Variants in MAGI3 observed in about 807,000 individuals in gnomAD.
MAGI3 encodes the protein membrane associated guanylate kinase, WW and PDZ domain containing 3.
In MAGI3, 43 loss-of-function variants were observed where a neutral mutation model predicts 121.8. The observed-to-expected ratio is 0.35, with a 90% CI of 0.28 to 0.46. MAGI3 has a LOEUF of 0.46. MAGI3 is among the 20% of genes least tolerant of loss of function. The pLI, the probability that MAGI3 is intolerant of heterozygous loss-of-function variation, is 1.00. For synonymous variants in MAGI3, 553 were observed against 639.3 expected, an observed-to-expected ratio of 0.86 and a Z score of 2.04; for missense variants, 1,547 against 1,797.3, an observed-to-expected ratio of 0.86 and a Z score of 2.52.
rs1210636688 is a variant in MAGI3, at chr1:113,416,202, GAC to G, written c.316+24857_316+24858del. ...GACACATATTAATTATGTAATTAATGACACATATTATTATGTGTAATTAATGA... is the reference window on the plus strand; with the variant it reads ...GACACATATTAATTATGTAATTAATGACATATTATTATGTGTAATTAATGA... On this transcript the variant is annotated intron_variant, in intron 1 of 20. Coordinates refer to ENST00000307546, the MANE Select transcript of MAGI3 (RefSeq NM_001142782.2). Among the ~76,000 whole-genome samples the G allele has an allele frequency of 1.6e-4, 14 of 88,060 alleles. 3 individuals carry two copies. The highest frequency in any genetic ancestry group is 2.6e-4 in the Non-Finnish European group (11 of 42,934). 57.8% of individuals were successfully genotyped at this position (88,060 alleles called of 152,430 possible).
chr1:113,674,486 T>C (rs1020345837), intron 19 of MAGI3, among the ~76,000 whole-genome samples: 5 of 152,080 alleles, frequency 3.3e-5, no homozygotes, highest in Admixed American at 6.6e-5. Flanking sequence ...TTAAAAACTT[T>C]TAATTTCTAG....
chr1:113,451,927 G>A (rs925130001), intron 1 of MAGI3, among the ~76,000 whole-genome samples: 4 of 152,072 alleles, frequency 2.6e-5, no homozygotes, highest in African/African-American at 9.7e-5. Context: ...GGTAAATGAG[G>A]GTGGATGGAT....
intron 1 of MAGI3, among the ~76,000 whole-genome samples, chr1:113,548,415 C>G (rs1172675045): frequency 6.6e-6 from 1 of 152,174 alleles, no homozygotes; most frequent in African/African-American, 2.4e-5. Flanking sequence ...ATTTTCCCCA[C>G]AAATAATAGA....
intron 10 of MAGI3, 38 bp downstream of exon 10, chr1:113,642,554 C>A: frequency 6.4e-7 from 1 of 1,570,970 alleles, no homozygotes; most frequent in South Asian, 1.2e-5. Context: ...TTTCAGTGTT[C>A]AAGCGTTTAT....
chr1:113,617,005 C>T (rs1018736769), intron 7 of MAGI3, among the ~76,000 whole-genome samples: 2 of 152,022 alleles, frequency 1.3e-5, no homozygotes, highest in Non-Finnish European at 2.9e-5. Flanking sequence ...ATTCTCGTAC[C>T]TCAGCCCCCC....
chr1:113,434,892 C>G (rs963843646), intron 1 of MAGI3, among the ~76,000 whole-genome samples: 2 of 152,172 alleles, frequency 1.3e-5, no homozygotes, highest in African/African-American at 4.8e-5. Flanking sequence ...TGCTTTTTAG[C>G]AAGGCCTTGT....
In MAGI3 at chr1:113,641,060, T is replaced by C. The variant is rs1652471945; in HGVS notation, c.1361-851T>C. ...TATATAATATATATGATATATTATA[T>C]ATGATATATATAATATATATGAGAT... On this transcript the variant is annotated intron_variant, in intron 9 of 20. Coordinates refer to ENST00000307546, the MANE Select transcript of MAGI3 (RefSeq NM_001142782.2). 3.9e-5 allele frequency among the ~76,000 whole-genome samples: 4 copies of C among 101,430 alleles called. No homozygotes were observed. In the South Asian group the frequency reaches 1.1e-3, roughly 28 times the overall value. 66.5% of individuals were successfully genotyped at this position (101,430 alleles called of 152,430 possible).
At chr1:113,531,863 A>G (rs1206134204) in intron 1 of MAGI3, among the ~76,000 whole-genome samples, 1 of 152,292 alleles carries the variant, frequency 6.6e-6, no homozygotes, top group African/African-American at 2.4e-5. Flanking sequence ...AAACAACTTC[A>G]TATGTATGAG....
chr1:113,656,302 T>TA (rs1653464794), intron 15 of MAGI3, among the ~76,000 whole-genome samples: 1 of 152,216 alleles, frequency 6.6e-6, no homozygotes, highest in African/African-American at 2.4e-5. Context: ...AGTTTTCACT[T>TA]ACAGAGACTG....
Position 113,470,738 on chromosome 1 carries a change from ACT to A in MAGI3, c.317-78772_317-78771del, listed in dbSNP as rs771833788. ...CTCAGTCCCTTACAACCACCATTCTACTCTCTGCTTCTGAGTTTGAAAATATT... is the reference window on the plus strand; with the variant it reads ...CTCAGTCCCTTACAACCACCATTCTACTCTGCTTCTGAGTTTGAAAATATT... On this transcript the variant is annotated intron_variant, in intron 1 of 20. Coordinates refer to ENST00000307546, the MANE Select transcript of MAGI3 (RefSeq NM_001142782.2). 2.6e-5 allele frequency among the ~76,000 whole-genome samples: 4 copies of A among 151,808 alleles called. No individual in the cohort carries two copies. In the South Asian group the frequency reaches 8.3e-4, roughly 32 times the overall value.
At chr1:113,406,569 T>A (rs2101316995) in intron 1 of MAGI3, among the ~76,000 whole-genome samples, 1 of 152,110 alleles carries the variant, frequency 6.6e-6, no homozygotes, top group Non-Finnish European at 1.5e-5. Flanking sequence ...TCTTGGAATT[T>A]CTTATTAAAG....
At position 113,646,651 on chromosome 1, in the gene MAGI3, T is replaced by A; in HGVS notation, c.2155+9T>A. ...TTTATATGAAGATAAACGTAAGTAG[T>A]TGTGGAATATTTCAGGAGAGCATAT... On this transcript the variant is annotated intron_variant, in intron 12 of 20. Coordinates refer to ENST00000307546, the MANE Select transcript of MAGI3 (RefSeq NM_001142782.2). The A allele has an allele frequency of 6.3e-7, 1 of 1,576,276 alleles. No individual in the cohort carries two copies. Among genetic ancestry groups the A allele is most frequent in the Non-Finnish European group, 8.6e-7 (1 of 1,160,854 alleles).
chr1:113,454,118 G>A lies in MAGI3; in HGVS notation c.316+62769G>A, dbSNP rs897027469. ...TATGCCACTAAATGAGTAAGAACAG[G>A]AATTATGCAAGCCATTTATGTAGAT... is the stretch of plus-strand genomic sequence containing the variant. On this transcript the variant is annotated intron_variant, in intron 1 of 20. Transcript: ENST00000307546. Among the ~76,000 whole-genome samples the A allele has an allele frequency of 3.3e-5, 5 of 152,150 alleles. No homozygotes were observed. In the East Asian group the frequency reaches 7.7e-4, roughly 23 times the overall value.
In MAGI3 at chr1:113,646,675, A is replaced by T. The variant is rs114039361; in HGVS notation, c.2155+33A>T. The T allele has an allele frequency of 1.9e-3, 2,793 of 1,493,632 alleles. 56 individuals carry two copies. In the African/African-American group the frequency reaches 0.035, roughly 19 times the overall value. 92.5% of individuals were successfully genotyped at this position (1,493,632 alleles called of 1,614,324 possible). ...GTTGTGGAATATTTCAGGAGAGCAT[A>T]TAACAAGATAAATTTGGATTTATTT... On this transcript the variant is annotated intron_variant, in intron 12 of 20. Coordinates refer to ENST00000307546, the MANE Select transcript of MAGI3 (RefSeq NM_001142782.2).
intron 1 of MAGI3, among the ~76,000 whole-genome samples, chr1:113,473,805 T>C (rs1389222550): frequency 6.6e-6 from 1 of 152,224 alleles, no homozygotes; most frequent in Non-Finnish European, 1.5e-5. Context: ...CTGAGTCAAA[T>C]GGTAATTCTA....
chr1:113,546,415 C>T (rs1357659814), intron 1 of MAGI3, among the ~76,000 whole-genome samples: 3 of 152,150 alleles, frequency 2.0e-5, no homozygotes, highest in East Asian at 1.9e-4. Flanking sequence ...TGTCTCACTG[C>T]GACCTCTGCC....
chr1:113,527,928 A>G (rs1052738472), intron 1 of MAGI3, among the ~76,000 whole-genome samples: 42 of 152,192 alleles, frequency 2.8e-4, no homozygotes, highest in African/African-American at 9.6e-4. Context: ...ATGAATACCC[A>G]TATAACCACC....
intron 1 of MAGI3, among the ~76,000 whole-genome samples, chr1:113,425,353 GC>G (rs1307041513): frequency 1.6e-5 from 2 of 127,762 alleles, no homozygotes; most frequent in African/African-American, 6.1e-5. Context: ...CGCGATCTCA[GC>G]TCACTGCAAG....
intron 3 of MAGI3, among the ~76,000 whole-genome samples, 156 bp from the exon 4 acceptor site, chr1:113,585,231 G>C (rs945010009): frequency 1.3e-5 from 2 of 152,030 alleles, no homozygotes; most frequent in Non-Finnish European, 2.9e-5. Context: ...ACCTCCCAAA[G>C]TGCTGGGATT....
Sources: gnomAD v4.1 joint callset for allele counts (sites outside exome capture counted in the v4.1 genomes callset) on GRCh38, gnomAD v4.1.1 for gene constraint, MANE v1.5 for transcripts, NCBI Gene and HGNC (gene_info 2026-07-23, HGNC 2026-07-21) for gene names.